The following RIMS1 variants were observed in gnomAD, a reference collection of about 807,000 sequenced individuals.
The protein encoded by RIMS1 is regulating synaptic membrane exocytosis protein 1.
Under a neutral mutation model 214.1 loss-of-function variants are expected in RIMS1, and 83 were observed. The ratio of observed to expected loss-of-function variants is 0.39; its 90% CI spans 0.32 to 0.47. The LOEUF is 0.47. Among genes scored for constraint, RIMS1 ranks in the 20% least tolerant of loss-of-function variants. The pLI is 0.99. For missense variants in RIMS1, 2,050 were observed against 2,161.8 expected (o/e 0.95, Z 1.03); for synonymous variants, 793 against 786.8 (o/e 1.01, Z -0.13).
At chr6:72,203,115 G>A (rs1034080356) in intron 6 of RIMS1, among the ~76,000 whole-genome samples, 2 of 152,092 alleles carry the variant, frequency 1.3e-5, no homozygotes, top group Non-Finnish European at 2.9e-5. Context: ...AGCCTTCCGA[G>A]TAGCTGGGAT....
intron 4 of RIMS1, among the ~76,000 whole-genome samples, chr6:72,172,172 C>A (rs780460126): frequency 4.0e-5 from 6 of 151,456 alleles, no homozygotes; most frequent in Non-Finnish European, 7.4e-5. Flanking sequence ...GGAAAACATT[C>A]GAAACAAAGT....
chr6:72,138,879 T>G (rs372892954), intron 4 of RIMS1, among the ~76,000 whole-genome samples: 2 of 152,198 alleles, frequency 1.3e-5, no homozygotes, highest in African/African-American at 4.8e-5. Context: ...TACTGCTTGT[T>G]GTGAAGGGCA....
At chr6:72,306,122 A>G (rs1467426057) in intron 26 of RIMS1, among the ~76,000 whole-genome samples, 2 of 152,136 alleles carry the variant, frequency 1.3e-5, no homozygotes, top group Non-Finnish European at 2.9e-5. Flanking sequence ...CTTGTAAGAG[A>G]TAAAATCAGC....
intron 29 of RIMS1, among the ~76,000 whole-genome samples, chr6:72,380,424 A>G (rs962873057): frequency 6.6e-6 from 1 of 152,192 alleles, no homozygotes; most frequent in Non-Finnish European, 1.5e-5. Context: ...AATGCAATAA[A>G]GCATTTGCTT....
At chr6:72,146,160 C>T (rs1288822176) in intron 4 of RIMS1, among the ~76,000 whole-genome samples, 1 of 152,090 alleles carries the variant, frequency 6.6e-6, no homozygotes, top group African/African-American at 2.4e-5. Context: ...GAACATTTTT[C>T]CTCTATTTTA....
intron 26 of RIMS1, among the ~76,000 whole-genome samples, chr6:72,301,412 A>G (rs1456242557): frequency 6.6e-6 from 1 of 151,732 alleles, no homozygotes; most frequent in African/African-American, 2.4e-5. Flanking sequence ...AAAAATAAGG[A>G]TCAACATGAA....
At chr6:72,363,929 TCATCCCACACAGCTTCCC>T (rs2097907218) in intron 29 of RIMS1, among the ~76,000 whole-genome samples, 1 of 152,180 alleles carries the variant, frequency 6.6e-6, no homozygotes, top group Non-Finnish European at 1.5e-5. Context: ...AAAGGCAACC[TCATCCCACACAGCTTCCC>T]GTTCCTGTGG....
chr6:72,320,224 A>G (rs1170166702), intron 28 of RIMS1, among the ~76,000 whole-genome samples: 1 of 152,086 alleles, frequency 6.6e-6, no homozygotes, highest in Non-Finnish European at 1.5e-5. Context: ...AATGAACCTT[A>G]TTGTCTCCAA....
chr6:72,162,878 T>C (rs1349384337), intron 4 of RIMS1, among the ~76,000 whole-genome samples: 1 of 139,432 alleles, frequency 7.2e-6, no homozygotes, highest in African/African-American at 2.5e-5. Context: ...GGAGTTGCTC[T>C]TCTCGAGGAG....
chr6:72,231,484 CA>C (rs2061965119), intron 6 of RIMS1, among the ~76,000 whole-genome samples: 1 of 151,482 alleles, frequency 6.6e-6, no homozygotes, highest in South Asian at 2.1e-4. Context: ...TAGATAGCTA[CA>C]AAACTGTGTA....
intron 33 of RIMS1, among the ~76,000 whole-genome samples, chr6:72,399,946 G>A (rs1297235715): frequency 2.0e-5 from 3 of 152,074 alleles, no homozygotes; most frequent in Admixed American, 1.3e-4. Context: ...AAAATTGGCA[G>A]GCAAGTCCTC....
chr6:72,121,591 T>C (rs2038328771), intron 4 of RIMS1, among the ~76,000 whole-genome samples: 1 of 151,928 alleles, frequency 6.6e-6, no homozygotes, highest in Non-Finnish European at 1.5e-5. Flanking sequence ...AATCATGTCA[T>C]CTGCAAACAG....
Position 72,252,783 on chromosome 6 carries a change from T to G in RIMS1, c.2721T>G (p.Ser907Arg). 6.4e-7 allele frequency: 1 copy of G among 1,559,536 alleles called. No individual in the cohort carries two copies. ...KLQRSQRISD[S>R]DISDYEVDDG... ...CAGGATCTCAGCGAATCAGTGATAG[T>G]GACATCTCAGATTATGAGGTTGATG... Residue 907 changes from serine to arginine, a missense_variant, in exon 16 of 34, where the codon AGT becomes AGG. By Grantham distance (110) the Ser-to-Arg change is moderately radical (BLOSUM62 -1). Transcript: ENST00000521978.
chr6:71,987,221 G>C (rs1314510102), intron 2 of RIMS1, among the ~76,000 whole-genome samples: 1 of 152,024 alleles, frequency 6.6e-6, no homozygotes, highest in African/African-American at 2.4e-5. Flanking sequence ...TGTCATCTTA[G>C]TTCCAGGCTG....
chr6:71,903,112 C>T (rs968902272), intron 1 of RIMS1, among the ~76,000 whole-genome samples: 3 of 152,090 alleles, frequency 2.0e-5, no homozygotes, highest in Middle Eastern at 3.2e-3. Context: ...CACTGTCTTC[C>T]ACAATGGTTG....
rs963708425 is a variant in RIMS1, at chr6:71,957,659, T to C, written c.165-11324T>C. On this transcript the variant is annotated intron_variant, in intron 1 of 33. Transcript: ENST00000521978. ...GACACACTGAAGAGCAAGGTGAATA[T>C]TAGTTATATGTGATAATATAATTAA... Among the ~76,000 whole-genome samples the C allele has an allele frequency of 7.5e-4, 113 of 150,584 alleles. 1 individual carries two copies. Among genetic ancestry groups the C allele is most frequent in the Non-Finnish European group, 1.4e-3 (92 of 68,000 alleles).
chr6:72,021,254 T>G (rs1814586088), intron 2 of RIMS1, among the ~76,000 whole-genome samples: 1 of 152,200 alleles, frequency 6.6e-6, no homozygotes, highest in Non-Finnish European at 1.5e-5. Context: ...TCTGTTGAAA[T>G]TAAAGAATTC....
At chr6:72,075,033 T>C (rs1831454798) in intron 2 of RIMS1, among the ~76,000 whole-genome samples, 1 of 152,182 alleles carries the variant, frequency 6.6e-6, no homozygotes, top group African/African-American at 2.4e-5. Context: ...GGCATAGTCC[T>C]GATCATCCCT....
At chr6:72,223,293 A>G (rs115343018) in intron 6 of RIMS1, among the ~76,000 whole-genome samples, 2,909 of 152,310 alleles carry the variant, frequency 0.019, 119 homozygotes, top group African/African-American at 0.067. Context: ...TAATACCTGC[A>G]CATCAGTTCC....
Sources: allele counts gnomAD v4.1 joint callset (sites outside exome capture counted in the v4.1 genomes callset), GRCh38; gene constraint gnomAD v4.1.1; transcripts MANE v1.5; gene names NCBI Gene and HGNC (gene_info 2026-07-23, HGNC 2026-07-21).